The following KLF12 variants were observed in gnomAD, a reference collection of about 807,000 sequenced individuals.
The protein encoded by KLF12 is KLF transcription factor 12.
In KLF12, 9 loss-of-function variants were observed where a neutral mutation model predicts 37.8. The observed-to-expected ratio is 0.24, with a 90% CI of 0.14 to 0.42. The LOEUF (loss-of-function observed/expected upper bound fraction) is 0.42, where lower values mean the gene tolerates loss of function less well. Ranked by LOEUF, KLF12 falls within the 10% of genes least tolerant of loss-of-function variation. The pLI, the probability that KLF12 is intolerant of heterozygous loss-of-function variation, is 1.00. For synonymous variants in KLF12, 208 were observed against 202.1 expected, an observed-to-expected ratio of 1.03 and a Z score of -0.25; for missense variants, 411 against 516.0, an observed-to-expected ratio of 0.80 and a Z score of 1.97.
At chr13:73,959,910 G>A (rs1013903097) in intron 2 of KLF12, among the ~76,000 whole-genome samples, 1 of 152,086 alleles carries the variant, frequency 6.6e-6, no homozygotes, top group Non-Finnish European at 1.5e-5. Context: ...AAAATTGCGG[G>A]ATCAACAGCC....
chr13:74,173,557 C>T, the KLF12 span, among the ~76,000 whole-genome samples: 1 of 152,174 alleles, frequency 6.6e-6, no homozygotes, highest in East Asian at 1.9e-4. Flanking sequence ...GTGGAGATAG[C>T]TGATAAACTT....
chr13:74,109,946 G>C (rs1042959091), intron 1 of KLF12, among the ~76,000 whole-genome samples: 2 of 152,150 alleles, frequency 1.3e-5, no homozygotes, highest in Non-Finnish European at 2.9e-5. Context: ...GAAGAATGAA[G>C]TGAGAATCAT....
intron 2 of KLF12, among the ~76,000 whole-genome samples, chr13:73,991,600 A>G (rs945076981): frequency 3.9e-5 from 6 of 152,226 alleles, no homozygotes; most frequent in African/African-American, 1.4e-4. Flanking sequence ...TTTGCAGATG[A>G]GAAAGTTAAA....
chr13:74,190,279 A>G, the KLF12 span, among the ~76,000 whole-genome samples: 1 of 152,170 alleles, frequency 6.6e-6, no homozygotes, highest in Non-Finnish European at 1.5e-5. Context: ...ACACTATCTT[A>G]GTAGAGTTTA....
At chr13:73,855,395 C>T (rs1885553819) in intron 3 of KLF12, among the ~76,000 whole-genome samples, 1 of 152,162 alleles carries the variant, frequency 6.6e-6, no homozygotes, top group Admixed American at 6.5e-5. Flanking sequence ...CCAACTTCAT[C>T]CATGTTGCTA....
chr13:74,186,726 T>C, the KLF12 span, among the ~76,000 whole-genome samples: 2 of 152,206 alleles, frequency 1.3e-5, no homozygotes, highest in Non-Finnish European at 2.9e-5. Flanking sequence ...TTTAAAAAAA[T>C]AGTTAAGCCA....
intron 6 of KLF12, among the ~76,000 whole-genome samples, chr13:73,761,439 G>C (rs979794635): frequency 5.3e-5 from 8 of 152,130 alleles, no homozygotes; most frequent in African/African-American, 1.9e-4. Context: ...CAACTCTCCT[G>C]TATCAACCCA....
At chr13:73,986,936 G>C (rs917392166) in intron 2 of KLF12, among the ~76,000 whole-genome samples, 1 of 151,398 alleles carries the variant, frequency 6.6e-6, no homozygotes, top group Admixed American at 6.6e-5. Context: ...AGATAAATTT[G>C]TGTTTTTTTT....
the KLF12 span, among the ~76,000 whole-genome samples, chr13:74,197,136 A>T: frequency 1.3e-5 from 2 of 152,300 alleles, no homozygotes; most frequent in Admixed American, 6.5e-5. Flanking sequence ...GCAACTTTCC[A>T]GTACATAATA....
chr13:74,005,750 A>C (rs1892395272), intron 1 of KLF12, among the ~76,000 whole-genome samples: 1 of 152,214 alleles, frequency 6.6e-6, no homozygotes. Flanking sequence ...CTATTTGGAG[A>C]TCTTTATAAA....
intron 1 of KLF12, among the ~76,000 whole-genome samples, chr13:74,111,847 A>AAC (rs1349165940): frequency 6.6e-6 from 1 of 152,222 alleles, no homozygotes; most frequent in African/African-American, 2.4e-5. Flanking sequence ...TATGTTTTTA[A>AAC]AAGTTCCACT....
chr13:73,906,647 C>T (rs1038325810), intron 3 of KLF12, among the ~76,000 whole-genome samples: 17 of 152,172 alleles, frequency 1.1e-4, no homozygotes, highest in Admixed American at 1.0e-3. Context: ...ATCTGTAACT[C>T]CTTAAGTGTT....
intron 6 of KLF12, among the ~76,000 whole-genome samples, chr13:73,751,802 C>T (rs527436333): frequency 3.3e-5 from 5 of 152,252 alleles, no homozygotes; most frequent in African/African-American, 1.2e-4. Flanking sequence ...AGTCAGATAT[C>T]TCACAGAGCA....
chr13:74,256,688 T>TGTGTGTGTGTGTGTG, the KLF12 span, among the ~76,000 whole-genome samples: 3 of 147,906 alleles, frequency 2.0e-5, no homozygotes, highest in African/African-American at 4.9e-5. Context: ...TGAGTAGAGC[T>TGTGTGTGTGTGTGTG]TGTGTGTGTG....
chr13:73,844,497 C>A (rs1884912533), intron 4 of KLF12, among the ~76,000 whole-genome samples: 1 of 152,190 alleles, frequency 6.6e-6, no homozygotes, highest in Admixed American at 6.5e-5. Flanking sequence ...CGAGTGTCTG[C>A]ATCTCAAGTT....
intron 1 of KLF12, among the ~76,000 whole-genome samples, chr13:74,102,363 A>C (rs760336087): frequency 2.6e-5 from 4 of 152,080 alleles, no homozygotes; most frequent in Non-Finnish European, 5.9e-5. Flanking sequence ...CCTTTGTGGA[A>C]GGGAAAGCTA....
At chr13:73,732,644 C>G (rs7984092) in intron 6 of KLF12, among the ~76,000 whole-genome samples, 96,930 of 151,938 alleles carry the variant, frequency 0.64, 31,200 homozygotes, top group East Asian at 0.74. Context: ...GAGCTCAGTC[C>G]TCCAGCCGTT....
chr13:73,984,287 C>A (rs1891765172), intron 2 of KLF12, among the ~76,000 whole-genome samples: 1 of 152,198 alleles, frequency 6.6e-6, no homozygotes, highest in South Asian at 2.1e-4. Context: ...GAAGCACCTG[C>A]CGCATGCATC....
chr13:73,937,104 C>A (rs564720788), intron 3 of KLF12, among the ~76,000 whole-genome samples: 36 of 151,920 alleles, frequency 2.4e-4, no homozygotes, highest in Non-Finnish European at 4.1e-4. Context: ...GCAGGAGAAT[C>A]GCTTGAACCC....
Sources: gnomAD v4.1 joint callset for allele counts (sites outside exome capture counted in the v4.1 genomes callset) on GRCh38, gnomAD v4.1.1 for gene constraint, MANE v1.5 for transcripts, NCBI Gene and HGNC (gene_info 2026-07-23, HGNC 2026-07-21) for gene names.